Variants in PNLIPRP3 observed in about 807,000 individuals in gnomAD.
PNLIPRP3 encodes pancreatic lipase related protein 3.
Under a neutral mutation model 52.8 loss-of-function variants are expected in PNLIPRP3, and 58 were observed. That is an observed-to-expected ratio of 1.10 (90% CI 0.89 to 1.37). The LOEUF (loss-of-function observed/expected upper bound fraction) is 1.37. Among genes scored for constraint, PNLIPRP3 ranks in the 40% most tolerant of loss-of-function variants. The pLI is 0.00. For missense variants in PNLIPRP3, 593 were observed against 561.6 expected (o/e 1.06, Z -0.57); for synonymous variants, 192 against 185.0 (o/e 1.04, Z -0.31).
intron 2 of PNLIPRP3, among the ~76,000 whole-genome samples, chr10:116,437,266 A>G (rs2133113144): frequency 6.6e-6 from 1 of 152,298 alleles, no homozygotes; most frequent in Non-Finnish European, 1.5e-5. Flanking sequence ...TGCAACACAA[A>G]TTATGATCTG....
At chr10:116,431,619 G>C (rs1396831955) in intron 1 of PNLIPRP3, among the ~76,000 whole-genome samples, 1 of 152,098 alleles carries the variant, frequency 6.6e-6, no homozygotes, top group East Asian at 1.9e-4. Context: ...ATGGGATAAA[G>C]ACTATAAACA....
intron 9 of PNLIPRP3, 57 bp from the exon 10 acceptor site, chr10:116,471,711 C>A: frequency 1.5e-6 from 2 of 1,321,208 alleles, no homozygotes; most frequent in Non-Finnish European, 2.2e-6. Flanking sequence ...GGAAGTCATA[C>A]TTCCCATGTG....
intron 9 of PNLIPRP3, 110 bp downstream of exon 9, chr10:116,469,427 G>A: frequency 1.8e-6 from 2 of 1,125,226 alleles, no homozygotes. Flanking sequence ...GCCAGACTGG[G>A]ATTTCAGTGA....
chr10:116,455,891 A>G, intron 5 of PNLIPRP3, 61 bp downstream of exon 5: 2 of 1,212,842 alleles, frequency 1.6e-6, no homozygotes, highest in Non-Finnish European at 2.4e-6. Flanking sequence ...CACACTACCA[A>G]GTATCTGAAC....
chr10:116,472,000 A>G, intron 10 of PNLIPRP3, 121 bp downstream of exon 10: 1 of 559,386 alleles, frequency 1.8e-6, no homozygotes, highest in Middle Eastern at 2.9e-4. Flanking sequence ...CTACCATGGT[A>G]TCTTTGATTT....
chr10:116,439,487 C>T, intron 2 of PNLIPRP3: 1 of 723,514 alleles, frequency 1.4e-6, no homozygotes, highest in Middle Eastern at 4.1e-4. Flanking sequence ...ATTCTTCCTC[C>T]CCGTCTTCTT....
At chr10:116,468,059 A>G (rs1419358941) in intron 8 of PNLIPRP3, among the ~76,000 whole-genome samples, 2 of 132,548 alleles carry the variant, frequency 1.5e-5, no homozygotes, top group East Asian at 4.9e-4. Context: ...CGGGAGGCGG[A>G]GCTTGCAGTG....
At chr10:116,475,945 G>A (rs1380363632) in intron 10 of PNLIPRP3, among the ~76,000 whole-genome samples, 1 of 152,122 alleles carries the variant, frequency 6.6e-6, no homozygotes, top group East Asian at 1.9e-4. Flanking sequence ...ATTAGCAATA[G>A]CCATAGGAAA....
At chr10:116,465,975 ACT>A (rs756401908) in intron 7 of PNLIPRP3, 73 bp from the exon 8 acceptor site, 17 of 1,076,426 alleles carry the variant, frequency 1.6e-5, no homozygotes, top group Non-Finnish European at 2.4e-5. Flanking sequence ...ACTTACAGTT[ACT>A]GTTTCTAAGA....
chr10:116,476,796 T>G lies in PNLIPRP3; in HGVS notation c.1317T>G (p.Asn439Lys), dbSNP rs1272444159. 1 of 1,604,520 alleles carries G rather than the reference T, an allele frequency of 6.2e-7. No homozygotes were observed. Among genetic ancestry groups the G allele is most frequent in the Non-Finnish European group, 8.5e-7 (1 of 1,176,792 alleles). The change falls in exon 11 of 12, where the codon AAT becomes AAG. Residue 439 changes from asparagine to lysine, a missense_variant. Transcript: ENST00000369230. ...AGTTGGGAGCAGAAATGGTGATAAA[T>G]ACATCTGGGAAATATGGATATAAGT... is the stretch of plus-strand genomic sequence containing the variant. Reference protein sequence around the residue: ...QNKLGAEMVINTSGKYGYKST... With the variant: ...QNKLGAEMVIKTSGKYGYKST...
intron 7 of PNLIPRP3, among the ~76,000 whole-genome samples, chr10:116,463,372 G>A (rs868017105): frequency 4.6e-5 from 7 of 152,312 alleles, no homozygotes; most frequent in Middle Eastern, 3.4e-3. Context: ...ATGACCCTCC[G>A]TGTCAGGAAC....
At chr10:116,444,558 G>T (rs1305579766) in intron 4 of PNLIPRP3, 45 bp downstream of exon 4, 2 of 1,559,398 alleles carry the variant, frequency 1.3e-6, no homozygotes, top group Non-Finnish European at 1.8e-6. Flanking sequence ...ATTGGTTTTG[G>T]ATATTAACAC....
intron 5 of PNLIPRP3, among the ~76,000 whole-genome samples, chr10:116,460,106 A>C (rs1846170682): frequency 6.6e-6 from 1 of 152,166 alleles, no homozygotes; most frequent in Admixed American, 6.5e-5. Context: ...TAGTTCCGCA[A>C]GACTGGGTTA....
intron 4 of PNLIPRP3, among the ~76,000 whole-genome samples, chr10:116,454,294 T>C (rs1015872097): frequency 1.3e-5 from 2 of 152,008 alleles, no homozygotes; most frequent in Admixed American, 1.3e-4. Flanking sequence ...AATTTTTCTA[T>C]TTTTTTAGTA....
chr10:116,443,855 A>C (rs1335790644), intron 3 of PNLIPRP3, among the ~76,000 whole-genome samples: 5 of 139,316 alleles, frequency 3.6e-5, no homozygotes, highest in African/African-American at 1.3e-4. Flanking sequence ...GGGTTAGGAC[A>C]TACGTATATA....
intron 3 of PNLIPRP3, among the ~76,000 whole-genome samples, chr10:116,443,801 GCATATA>G (rs1401160995): frequency 0.018 from 206 of 11,154 alleles, 2 homozygotes; most frequent in Admixed American, 0.024. Flanking sequence ...ATGTGTGTGT[GCATATA>G]TATATATATA....
At chr10:116,460,833 G>A (rs1201257535) in intron 5 of PNLIPRP3, 133 bp from the exon 6 acceptor site, 4 of 1,210,830 alleles carry the variant, frequency 3.3e-6, no homozygotes, top group Non-Finnish European at 4.6e-6. Context: ...ATAGATTTAG[G>A]TTATGTATCT....
chr10:116,464,373 A>G (rs1384436630), intron 7 of PNLIPRP3, among the ~76,000 whole-genome samples: 1 of 152,230 alleles, frequency 6.6e-6, no homozygotes, highest in Non-Finnish European at 1.5e-5. Flanking sequence ...CACCAGCCAG[A>G]GACCTCCACA....
chr10:116,436,025 G>T (rs1474962723), intron 1 of PNLIPRP3, among the ~76,000 whole-genome samples: 3 of 152,220 alleles, frequency 2.0e-5, no homozygotes, highest in South Asian at 4.1e-4. Flanking sequence ...AGTAGAGCGT[G>T]CAGAAATACA....
Sources: allele counts gnomAD v4.1 joint callset (sites outside exome capture counted in the v4.1 genomes callset), GRCh38; gene constraint gnomAD v4.1.1; transcripts MANE v1.5; gene names NCBI Gene and HGNC (gene_info 2026-07-23, HGNC 2026-07-21).